The following SLC22A23 variants were observed in gnomAD, a reference collection of about 807,000 sequenced individuals.
SLC22A23 encodes solute carrier family 22 member 23.
SLC22A23 carries 26 observed loss-of-function variants against 61.0 expected under a neutral mutation model. That is an observed-to-expected ratio of 0.43 (90% CI 0.31 to 0.59). The LOEUF is 0.59. Among genes scored for constraint, SLC22A23 ranks in the 20% least tolerant of loss-of-function variants. The probability of loss-of-function intolerance (pLI) is 0.11; values close to 1 mark genes in which losing one functional copy is unlikely to be tolerated. For missense variants in SLC22A23, 796 were observed against 934.7 expected (o/e 0.85, Z 1.94); for synonymous variants, 430 against 413.9 (o/e 1.04, Z -0.47).
chr6:3,320,538 A>G (rs987244789), intron 4 of SLC22A23, among the ~76,000 whole-genome samples: 3 of 152,232 alleles, frequency 2.0e-5, no homozygotes, highest in African/African-American at 7.2e-5. Flanking sequence ...AAGGAAAGCA[A>G]GCAACTTTCA....
intron 5 of SLC22A23, among the ~76,000 whole-genome samples, chr6:3,295,394 GGGTGTGA>G (rs937182150): frequency 1.9e-4 from 28 of 144,888 alleles, no homozygotes; most frequent in Non-Finnish European, 3.2e-4. Flanking sequence ...ACGAAGGCCA[GGGTGTGA>G]GGTGGTGGGA....
intron 3 of SLC22A23, among the ~76,000 whole-genome samples, chr6:3,366,639 A>G (rs1257429103): frequency 6.6e-6 from 1 of 152,200 alleles, no homozygotes. Context: ...TGTGGACAAT[A>G]CTTCTATGCG....
At chr6:3,388,858 C>T (rs561064667) in intron 3 of SLC22A23, among the ~76,000 whole-genome samples, 5 of 152,136 alleles carry the variant, frequency 3.3e-5, no homozygotes, top group South Asian at 2.1e-4. Flanking sequence ...AGGTACCTAG[C>T]GTTGTCAAAT....
chr6:3,411,706 A>G (rs937150876), intron 2 of SLC22A23, among the ~76,000 whole-genome samples: 1 of 152,222 alleles, frequency 6.6e-6, no homozygotes, highest in Admixed American at 6.5e-5. Context: ...GAAAGGAACA[A>G]CAGGATGAAA....
At chr6:3,290,022 G>A in intron 5 of SLC22A23, 156 bp from the exon 6 acceptor site, 1 of 671,190 alleles carries the variant, frequency 1.5e-6, no homozygotes, top group Non-Finnish European at 2.6e-6. Flanking sequence ...TAGGGTCTAG[G>A]TTTCCAGGAT....
In SLC22A23 at chr6:3,448,564, G is replaced by A. The variant is rs117156367; in HGVS notation, c.654+7342C>T. ...CAGTTAGTGCAGTGTTGTGATCTCC[G>A]CTCACTGCAAGCTCCGCCTCCCGAG... On this transcript the variant is annotated intron_variant, in intron 1 of 9. Coordinates refer to ENST00000406686, the MANE Select transcript of SLC22A23 (RefSeq NM_015482.2). 4.5e-4 allele frequency among the ~76,000 whole-genome samples: 69 copies of A among 152,100 alleles called. No individual in the cohort carries two copies. In the East Asian group the frequency reaches 6.2e-3, roughly 14 times the overall value.
At position 3,386,012 on chromosome 6, in the gene SLC22A23, C is replaced by T. The variant is rs933368243; in HGVS notation, c.913+24176G>A. Among the ~76,000 whole-genome samples, 2 of 152,208 alleles carry T rather than the reference C, an allele frequency of 1.3e-5. No homozygotes were observed. The highest frequency in any genetic ancestry group is 2.9e-5 in the Non-Finnish European group (2 of 68,040). On this transcript the variant is annotated intron_variant, in intron 3 of 9. Coordinates refer to ENST00000406686, the MANE Select transcript of SLC22A23 (RefSeq NM_015482.2). This position sits in a 1 kb window ranked among gnomAD's most constrained non-coding sequence, Gnocchi z 4.4. ...ACCCAAGCCCCGCATTTGAGCAGGA[C>T]GCTGCCAGATGTGACACATCTCACT...
intron 1 of SLC22A23, among the ~76,000 whole-genome samples, chr6:3,441,276 C>T (rs1309031645): frequency 6.6e-6 from 1 of 152,124 alleles, no homozygotes; most frequent in Non-Finnish European, 1.5e-5. Flanking sequence ...TGGACACGAG[C>T]CCTTCTCTCC....
In SLC22A23 at chr6:3,378,874, GTCT is replaced by G. The variant is rs540625933; in HGVS notation, c.913+31311_913+31313del. ...GGGTTTCACCATGTTGGCCAGGCTG[GTCT>G]TGAACTCCTGATCTCAGGTGATCCA... is the stretch of plus-strand genomic sequence containing the variant. On this transcript the variant is annotated intron_variant, in intron 3 of 9. Coordinates refer to ENST00000406686, the MANE Select transcript of SLC22A23 (RefSeq NM_015482.2). 7.2e-5 allele frequency among the ~76,000 whole-genome samples: 11 copies of G among 152,102 alleles called. No individual in the cohort carries two copies. The East Asian group carries it at 2.1e-3, about 30-fold the overall frequency.
Position 3,271,029 on chromosome 6 carries a change from A to C in SLC22A23, c.*2026T>G, listed in dbSNP as rs1025173317. 2 of 152,322 alleles carry C rather than the reference A, an allele frequency of 1.3e-5. No individual in the cohort carries two copies. Among genetic ancestry groups the C allele is most frequent in the Non-Finnish European group, 2.9e-5 (2 of 68,082 alleles). The allele number at this position is 152,322 out of a possible 1,614,324, so 9.4% of individuals were successfully genotyped here. On this transcript the variant is annotated 3_prime_UTR_variant, in exon 10 of 10. Transcript: ENST00000406686. ...TCCTTCCCACCTTCCCCAACTGCCT[A>C]CTGGCCTGGCTACTGGATAGGTCCT...
At position 3,286,825 on chromosome 6, in the gene SLC22A23, C is replaced by T. The variant is rs1454436518; in HGVS notation, c.1546+34G>A. The T allele has an allele frequency of 6.5e-7, 1 of 1,541,420 alleles. No homozygotes were observed. Among genetic ancestry groups the T allele is most frequent in the East Asian group, 2.4e-5 (1 of 41,348 alleles). ...CCCTTGGGGATCTGCCAGCTTCCCT[C>T]CCTGCACCCAGCCCACCTCCCCGAC... On this transcript the variant is annotated intron_variant, in intron 7 of 9. Coordinates refer to ENST00000406686, the MANE Select transcript of SLC22A23 (RefSeq NM_015482.2). This position sits in a 1 kb window ranked among gnomAD's most constrained non-coding sequence, Gnocchi z 4.2.
At chr6:3,293,304 G>A (rs1316009766) in intron 5 of SLC22A23, among the ~76,000 whole-genome samples, 1 of 152,180 alleles carries the variant, frequency 6.6e-6, no homozygotes, top group African/African-American at 2.4e-5. Context: ...TCTGCCACAT[G>A]AGTCATTAAA....
chr6:3,362,058 G>A (rs1487039002), intron 3 of SLC22A23, among the ~76,000 whole-genome samples: 1 of 151,870 alleles, frequency 6.6e-6, no homozygotes, highest in African/African-American at 2.4e-5. Context: ...GCAAATTAAA[G>A]GCTCTGTGAG....
intron 3 of SLC22A23, among the ~76,000 whole-genome samples, chr6:3,335,865 G>A (rs549970558): frequency 1.2e-4 from 19 of 152,270 alleles, no homozygotes; most frequent in African/African-American, 2.6e-4. Context: ...CGAGGCGGGC[G>A]GATCAAGAGG....
At position 3,297,387 on chromosome 6, in the gene SLC22A23, C is replaced by T. The variant is rs1561877663; in HGVS notation, c.1210+704G>A. Reference sequence around the variant, plus strand: ...TTGGGCCGAGACCACCAGTGATCTTCAAACGGAAATCTGTATACCACTTGC... The same window carrying T: ...TTGGGCCGAGACCACCAGTGATCTTTAAACGGAAATCTGTATACCACTTGC... On this transcript the variant is annotated intron_variant, in intron 5 of 9. Coordinates refer to ENST00000406686, the MANE Select transcript of SLC22A23 (RefSeq NM_015482.2). The surrounding 1 kb of genome is among the most constrained non-coding windows in gnomAD (Gnocchi z 4.3). Among the ~76,000 whole-genome samples, 1 of 152,214 alleles carries T rather than the reference C, an allele frequency of 6.6e-6. No homozygotes were observed.
At chr6:3,435,887 G>C (rs889621533) in intron 1 of SLC22A23, among the ~76,000 whole-genome samples, 1 of 152,200 alleles carries the variant, frequency 6.6e-6, no homozygotes, top group Non-Finnish European at 1.5e-5. Context: ...CACACACAGA[G>C]GGAGGACCAC....
intron 3 of SLC22A23, among the ~76,000 whole-genome samples, chr6:3,332,199 G>T (rs1763619698): frequency 6.6e-6 from 1 of 152,170 alleles, no homozygotes; most frequent in African/African-American, 2.4e-5. Flanking sequence ...GGGCAGGGAA[G>T]ATGATCTGAC....
intron 3 of SLC22A23, among the ~76,000 whole-genome samples, chr6:3,381,777 A>G (rs550301759): frequency 7.3e-4 from 111 of 152,298 alleles, no homozygotes; most frequent in African/African-American, 2.5e-3. Flanking sequence ...TAAAGTCCCT[A>G]GTTCCTTTTC....
intron 9 of SLC22A23, among the ~76,000 whole-genome samples, chr6:3,279,535 A>AAAAAAAAAAAAAAAAAAAAAAAAAAAC (rs2083892983): frequency 6.8e-6 from 1 of 147,172 alleles, no homozygotes. Flanking sequence ...AAAAAAAAAA[A>AAAAAAAAAAAAAAAAAAAAAAAAAAAC]ATCCTTGACA....
Sources: gnomAD v4.1 joint callset for allele counts (sites outside exome capture counted in the v4.1 genomes callset) on GRCh38, gnomAD v4.1.1 for gene constraint, Gnocchi (gnomAD v3.1) non-coding constraint, MANE v1.5 for transcripts, NCBI Gene and HGNC (gene_info 2026-07-23, HGNC 2026-07-21) for gene names.